LRRC4C: variants seen among roughly 807,000 people sequenced by gnomAD.
The protein encoded by LRRC4C is leucine rich repeat containing 4C.
LRRC4C carries 5 observed loss-of-function variants against 33.6 expected under a neutral mutation model. The ratio of observed to expected loss-of-function variants is 0.15; its 90% confidence interval spans 0.08 to 0.31. LRRC4C has a LOEUF of 0.31. Ranked by LOEUF, LRRC4C falls within the 10% of genes least tolerant of loss-of-function variation. The pLI is 1.00. For missense variants in LRRC4C, 560 were observed against 796.7 expected, an observed-to-expected ratio of 0.70 and a Z score of 3.58; for synonymous variants, 329 against 302.0, an observed-to-expected ratio of 1.09 and a Z score of -0.93.
intron 4 of LRRC4C, among the ~76,000 whole-genome samples, chr11:40,245,803 A>T (rs1238695890): frequency 6.6e-6 from 1 of 152,002 alleles, no homozygotes; most frequent in Non-Finnish European, 1.5e-5. Flanking sequence ...TACCACTAGC[A>T]TTGTGCTTGG....
intron 2 of LRRC4C, among the ~76,000 whole-genome samples, chr11:40,665,354 ATATATATATG>A (rs1259523319): frequency 0.034 from 545 of 15,856 alleles, 23 homozygotes; most frequent in Non-Finnish European, 0.049. Flanking sequence ...ATATATATAT[ATATATATATG>A]TATATATATA....
intron 2 of LRRC4C, among the ~76,000 whole-genome samples, chr11:40,690,466 G>T (rs544420532): frequency 1.3e-5 from 2 of 151,998 alleles, no homozygotes; most frequent in African/African-American, 2.4e-5. Flanking sequence ...TATCAAAGAC[G>T]CAAAGACAGG....
At chr11:40,635,239 C>T (rs796128760) in intron 3 of LRRC4C, among the ~76,000 whole-genome samples, 1 of 152,172 alleles carries the variant, frequency 6.6e-6, no homozygotes, top group South Asian at 2.1e-4. Context: ...ACCTCCAGTA[C>T]CCCAAGTGGG....
intron 1 of LRRC4C, among the ~76,000 whole-genome samples, chr11:41,347,283 C>T (rs1951833894): frequency 1.3e-5 from 2 of 152,060 alleles, no homozygotes; most frequent in African/African-American, 4.8e-5. Context: ...GCCTTAATAC[C>T]CTGCCTCTAG....
intron 3 of LRRC4C, among the ~76,000 whole-genome samples, chr11:40,415,565 C>G (rs964030853): frequency 6.6e-6 from 1 of 152,008 alleles, no homozygotes; most frequent in Admixed American, 6.6e-5. Flanking sequence ...TACTGATGGG[C>G]CTTAGAGGCA....
chr11:41,260,553 A>G (rs1565526764), intron 1 of LRRC4C, among the ~76,000 whole-genome samples: 1 of 151,848 alleles, frequency 6.6e-6, no homozygotes, highest in Admixed American at 6.6e-5. Flanking sequence ...GTTAAGCACC[A>G]TAAGGACAGT....
At chr11:41,263,482 G>A (rs570776509) in intron 1 of LRRC4C, among the ~76,000 whole-genome samples, 57 of 152,244 alleles carry the variant, frequency 3.7e-4, no homozygotes, top group East Asian at 2.3e-3. Context: ...TAGAGAAAGC[G>A]TCAAAACACC....
chr11:41,073,648 A>C (rs996278579), intron 1 of LRRC4C, among the ~76,000 whole-genome samples: 1 of 152,234 alleles, frequency 6.6e-6, no homozygotes, highest in Non-Finnish European at 1.5e-5. Flanking sequence ...GACAAGAATC[A>C]TGGTTCAATA....
chr11:40,352,110 TCTTCCTTCCTTCCTTCCTTCCTTC>T (rs200446819), intron 3 of LRRC4C, among the ~76,000 whole-genome samples: 14,507 of 123,688 alleles, frequency 0.12, 935 homozygotes, highest in East Asian at 0.27. Flanking sequence ...TTCCTTTCTT[TCTTCCTTCCTTCCTTCCTTCCTTC>T]CTTCCTTCCT....
intron 2 of LRRC4C, among the ~76,000 whole-genome samples, chr11:40,785,061 A>G (rs191419214): frequency 2.6e-5 from 4 of 152,300 alleles, no homozygotes; most frequent in Admixed American, 6.5e-5. Flanking sequence ...ATGATAATGT[A>G]TGTGTAGATT....
At chr11:40,319,418 A>G (rs1174700124) in intron 4 of LRRC4C, among the ~76,000 whole-genome samples, 3 of 152,204 alleles carry the variant, frequency 2.0e-5, no homozygotes, top group Non-Finnish European at 4.4e-5. Context: ...GGGTAAATCT[A>G]TTTAATGCTG....
intron 2 of LRRC4C, among the ~76,000 whole-genome samples, chr11:40,821,526 T>A (rs141703432): frequency 0.043 from 6,533 of 151,596 alleles, 180 homozygotes; most frequent in Non-Finnish European, 0.067. Context: ...TTTAATAAAT[T>A]TATATTTTTT....
chr11:41,243,575 A>G (rs1948336244), intron 1 of LRRC4C, among the ~76,000 whole-genome samples: 1 of 152,174 alleles, frequency 6.6e-6, no homozygotes, highest in Non-Finnish European at 1.5e-5. Flanking sequence ...AGATGCATCT[A>G]ACATCTGTAA....
At chr11:40,452,454 A>G (rs996297876) in intron 3 of LRRC4C, among the ~76,000 whole-genome samples, 3 of 152,246 alleles carry the variant, frequency 2.0e-5, no homozygotes, top group African/African-American at 7.2e-5. Flanking sequence ...TGGCCATCAA[A>G]GAAATGCAAA....
At chr11:40,249,125 G>A (rs1188638636) in intron 4 of LRRC4C, among the ~76,000 whole-genome samples, 1 of 152,134 alleles carries the variant, frequency 6.6e-6, no homozygotes, top group Non-Finnish European at 1.5e-5. Context: ...ATAACTTGAG[G>A]TCAGGAGTTC....
At chr11:40,672,364 T>C (rs1483638356) in intron 2 of LRRC4C, among the ~76,000 whole-genome samples, 6 of 152,176 alleles carry the variant, frequency 3.9e-5, no homozygotes, top group African/African-American at 7.2e-5. Flanking sequence ...TACCATCATC[T>C]TGGGAGTTAG....
chr11:40,287,071 C>T (rs566242487), intron 4 of LRRC4C, among the ~76,000 whole-genome samples: 1 of 152,102 alleles, frequency 6.6e-6, no homozygotes, highest in East Asian at 1.9e-4. Context: ...AATCTTAGTG[C>T]TTGAAGTAAC....
At chr11:40,782,949 A>G (rs1466705748) in intron 2 of LRRC4C, among the ~76,000 whole-genome samples, 21 of 152,092 alleles carry the variant, frequency 1.4e-4, no homozygotes, top group Non-Finnish European at 4.4e-5. Context: ...TTTTATATAT[A>G]TTTATAAATT....
intron 4 of LRRC4C, among the ~76,000 whole-genome samples, chr11:40,242,539 A>G (rs76321809): frequency 0.013 from 1,914 of 152,370 alleles, 18 homozygotes; most frequent in Non-Finnish European, 0.016. Flanking sequence ...AAATGTAATA[A>G]CAAGGCAGTA....
Sources: allele counts gnomAD v4.1 joint callset (sites outside exome capture counted in the v4.1 genomes callset), GRCh38; gene constraint gnomAD v4.1.1; transcripts MANE v1.5; gene names NCBI Gene and HGNC (gene_info 2026-07-23, HGNC 2026-07-21).